Variants in HERC2 observed in about 807,000 individuals in gnomAD.
HERC2 encodes HECT and RLD domain containing E3 ubiquitin protein ligase 2.
Under a neutral mutation model 537.7 loss-of-function variants are expected in HERC2, and 102 were observed. The ratio of observed to expected loss-of-function variants is 0.19; its 90% CI spans 0.16 to 0.22. HERC2 has a LOEUF of 0.22. HERC2 is among the 10% of genes least tolerant of loss of function. The pLI is 1.00. For synonymous variants in HERC2, 2,224 were observed against 2,466.2 expected, an observed-to-expected ratio of 0.90 and a Z score of 2.91; for missense variants, 4,236 against 6,198.2, an observed-to-expected ratio of 0.68 and a Z score of 10.63.
chr15:28,318,591 C>A (rs551780484), intron 2 of HERC2, among the ~76,000 whole-genome samples: 268 of 151,086 alleles, frequency 1.8e-3, no homozygotes, highest in African/African-American at 6.4e-3. Context: ...CCACTGCACT[C>A]CAGCCTGGGA....
Position 28,229,569 on chromosome 15 carries a change from C to T in HERC2, c.5011G>A (p.Gly1671Arg). 6.2e-7 allele frequency: 1 copy of T among 1,612,884 alleles called. No individual in the cohort carries two copies. Among genetic ancestry groups the T allele is most frequent in the Non-Finnish European group, 8.5e-7 (1 of 1,179,760 alleles). The change falls in exon 33 of 93, where the codon GGG (glycine) becomes AGG (arginine). Residue 1671 changes from glycine to arginine, a missense_variant. This residue lies in a region of HERC2 where 343 missense variants were observed against 417.2 expected (regional missense o/e 0.82). Coordinates refer to ENST00000261609, the MANE Select transcript of HERC2 (RefSeq NM_004667.6). ...QLERAEVRLE[G>R]IDTILKLASK... Reference sequence around the variant, plus strand: ...GCCAGTTTTAAAATTGTATCTATCCCTTCCAGGCGAACCTCTGCTCTCTCC... The same window carrying T: ...GCCAGTTTTAAAATTGTATCTATCCTTTCCAGGCGAACCTCTGCTCTCTCC...
At chr15:28,272,064 T>C in intron 9 of HERC2, 151 bp downstream of exon 9, 1 of 677,442 alleles carries the variant, frequency 1.5e-6, no homozygotes, top group Non-Finnish European at 2.5e-6. Context: ...ACAAGTGACC[T>C]CCCACACCTG....
At chr15:28,149,155 C>T (rs1375169785) in intron 70 of HERC2, among the ~76,000 whole-genome samples, 1 of 151,820 alleles carries the variant, frequency 6.6e-6, no homozygotes, top group Non-Finnish European at 1.5e-5. Flanking sequence ...GACTTCTAAC[C>T]GAGAACATCA....
intron 30 of HERC2, 119 bp from the exon 31 acceptor site, chr15:28,230,619 C>T: frequency 4.4e-6 from 3 of 676,692 alleles, no homozygotes; most frequent in Non-Finnish European, 7.5e-6. Context: ...ATCTGAACAA[C>T]ATTATAAATT....
At chr15:28,228,559 G>A (rs1281474956) in intron 34 of HERC2, 150 bp from the exon 35 acceptor site, 2 of 760,352 alleles carry the variant, frequency 2.6e-6, no homozygotes, top group Non-Finnish European at 4.4e-6. Flanking sequence ...ACGTAACGCA[G>A]AAAGCACGGG....
intron 69 of HERC2, among the ~76,000 whole-genome samples, chr15:28,154,761 T>TTA (rs1273286942): frequency 1.3e-5 from 2 of 152,320 alleles, no homozygotes; most frequent in South Asian, 2.1e-4. Flanking sequence ...CAGCATTATT[T>TTA]TATATATATA....
chr15:28,130,660 C>T, intron 81 of HERC2, 66 bp from the exon 82 acceptor site: 1 of 1,086,974 alleles, frequency 9.2e-7, no homozygotes, highest in Non-Finnish European at 1.4e-6. Flanking sequence ...TATAACCACA[C>T]TGAGATTTAA....
At chr15:28,157,934 T>G (rs1201309374) in intron 69 of HERC2, among the ~76,000 whole-genome samples, 4 of 152,220 alleles carry the variant, frequency 2.6e-5, no homozygotes, top group African/African-American at 9.6e-5. Flanking sequence ...GATTCTGGTA[T>G]GTTGTGTCTT....
At chr15:28,241,981 T>C (rs1903175703) in intron 23 of HERC2, among the ~76,000 whole-genome samples, 1 of 152,162 alleles carries the variant, frequency 6.6e-6, no homozygotes, top group African/African-American at 2.4e-5. Context: ...CAGAATATGA[T>C]TTCACCTTAA....
Position 28,111,883 on chromosome 15 carries a change from G to A in HERC2, c.14385C>T (p.Asp4795=). The change falls in exon 93 of 93, where the codon GAC becomes GAT. Residue 4795 remains aspartate (D), a synonymous_variant. Transcript: ENST00000261609. ...IHFCKSIDTD[D]YARIALTGEP... ...CTCCTGTAAGTGCGATGCGAGCGTA[G>A]TCATCTGTGTCTATGGACTTGCAGA... The A allele has an allele frequency of 6.2e-7, 1 of 1,614,248 alleles. No homozygotes were observed. Among genetic ancestry groups the A allele is most frequent in the Non-Finnish European group, 8.5e-7 (1 of 1,180,054 alleles).
At chr15:28,259,156 G>A (rs2075349672) in intron 16 of HERC2, among the ~76,000 whole-genome samples, 1 of 152,082 alleles carries the variant, frequency 6.6e-6, no homozygotes, top group African/African-American at 2.4e-5. Context: ...GTGCAATGGC[G>A]CCATCCCGGC....
At chr15:28,114,465 G>T in intron 90 of HERC2, 147 bp downstream of exon 90, 1 of 664,202 alleles carries the variant, frequency 1.5e-6, no homozygotes, top group Non-Finnish European at 2.6e-6. Context: ...CACAAAATAA[G>T]CTTTATACCC....
chr15:28,130,531 G>A lies in HERC2; in HGVS notation c.12634C>T (p.Leu4212Phe), dbSNP rs781678134. 1.2e-6 allele frequency: 2 copies of A among 1,613,996 alleles called. No individual in the cohort carries two copies. Among genetic ancestry groups the A allele is most frequent in the East Asian group, 2.2e-5 (1 of 44,870 alleles). ...GTATAAACAGCTCCAGATTTGGTAA[G>A]GGCAACAGAAAACTGGGATCCGCAT... is the stretch of plus-strand genomic sequence containing the variant. The part of the protein sequence containing the change: ...VECGSQFSVA[L>F]TKSGAVYTWG... The change falls in exon 82 of 93, where the codon CTT (leucine) becomes TTT (phenylalanine). Residue 4212 changes from leucine to phenylalanine, a missense_variant. Leu to Phe is a conservative substitution (Grantham distance 22, BLOSUM62 0). Transcript: ENST00000261609.
At chr15:28,118,259 A>C (rs1009485013) in intron 86 of HERC2, 2 of 153,910 alleles carry the variant, frequency 1.3e-5, no homozygotes, top group African/African-American at 4.8e-5. Context: ...CGGCTGTGTG[A>C]GAGGAGAGGT....
At chr15:28,272,176 G>A (rs777163965) in intron 9 of HERC2, 39 bp downstream of exon 9, 23 of 1,528,742 alleles carry the variant, frequency 1.5e-5, no homozygotes, top group South Asian at 5.0e-5. Flanking sequence ...AACTAGACTC[G>A]AGTGCCACCT....
chr15:28,260,908 C>T lies in HERC2; in HGVS notation c.2185G>A (p.Glu729Lys), dbSNP rs779353738. ...TCGTTGCTCCCCCAGCTGTGGACCT[C>T]GCTGTCCTCAGTCAGAGCCAGGCAG... ...THCLALTEDS[E>K]VHSWGSNDQC... Residue 729 changes from glutamate (E) to lysine (K), a missense_variant, in exon 16 of 93, where the codon GAG becomes AAG. This residue lies in a region of HERC2 where 754 missense variants were observed against 1,085.0 expected (regional missense o/e 0.69). Coordinates refer to ENST00000261609, the MANE Select transcript of HERC2 (RefSeq NM_004667.6). The T allele has an allele frequency of 8.1e-6, 13 of 1,614,202 alleles. No homozygotes were observed. In the East Asian group the frequency reaches 1.1e-4, roughly 14 times the overall value.
chr15:28,167,676 C>A lies in HERC2; in HGVS notation c.10554+11G>T. On this transcript the variant is annotated intron_variant, in intron 68 of 92. Transcript: ENST00000261609. Reference sequence around the variant, plus strand: ...TTCACAATACAAAGTTAAAGAAGAACGCCTCTTCACCTCTTTGGTTTTGGT... The same window carrying A: ...TTCACAATACAAAGTTAAAGAAGAAAGCCTCTTCACCTCTTTGGTTTTGGT... The A allele has an allele frequency of 6.2e-7, 1 of 1,613,668 alleles. No individual in the cohort carries two copies. Among genetic ancestry groups the A allele is most frequent in the Non-Finnish European group, 8.5e-7 (1 of 1,179,792 alleles).
In HERC2 at chr15:28,190,970, T is replaced by C; in HGVS notation, c.8644A>G (p.Thr2882Ala). The C allele has an allele frequency of 6.3e-7, 1 of 1,596,084 alleles. No homozygotes were observed. The highest frequency in any genetic ancestry group is 8.6e-7 in the Non-Finnish European group (1 of 1,163,542). ...DTTVPLLNDCTEYHRYIEIAI... is the reference protein window; with the variant it reads ...DTTVPLLNDCAEYHRYIEIAI... ...ACACTAGCATAGCTACTTACCTCTGTGCAGTCATTCAGAAGGGGCACTGTG... is the reference window on the plus strand; with the variant it reads ...ACACTAGCATAGCTACTTACCTCTGCGCAGTCATTCAGAAGGGGCACTGTG... Residue 2882 changes from threonine (T) to alanine (A), a missense_variant, in exon 55 of 93, where the codon ACA becomes GCA. Around this residue, in one of 27 missense-constraint regions of HERC2, gnomAD observed 606 missense variants for 884.5 expected, o/e 0.69. Coordinates refer to ENST00000261609, the MANE Select transcript of HERC2 (RefSeq NM_004667.6).
intron 2 of HERC2, among the ~76,000 whole-genome samples, chr15:28,303,386 C>A (rs1334954566): frequency 6.6e-6 from 1 of 151,946 alleles, no homozygotes; most frequent in Non-Finnish European, 1.5e-5. Context: ...ATACCAGTAC[C>A]ATGCTGTTTT....
Sources: gnomAD v4.1 joint callset for allele counts (sites outside exome capture counted in the v4.1 genomes callset) on GRCh38, gnomAD v4.1.1 for gene constraint, gnomAD v4.1.1 regional missense constraint, MANE v1.5 for transcripts, NCBI Gene and HGNC (gene_info 2026-07-23, HGNC 2026-07-21) for gene names.